Variants in SLC4A7 observed in about 807,000 individuals in gnomAD.
SLC4A7 encodes sodium bicarbonate cotransporter 3.
In SLC4A7, 51 loss-of-function variants were observed where a neutral mutation model predicts 137.6. The ratio of observed to expected loss-of-function variants is 0.37; its 90% CI spans 0.30 to 0.47. SLC4A7 has a LOEUF of 0.47. SLC4A7 is among the 20% of genes least tolerant of loss of function. SLC4A7 has a pLI of 1.00. For missense variants in SLC4A7, 1,247 were observed against 1,525.4 expected, an observed-to-expected ratio of 0.82 and a Z score of 3.04; for synonymous variants, 542 against 518.6, an observed-to-expected ratio of 1.05 and a Z score of -0.61.
chr3:27,464,279 AAGTT>A (rs909817978), intron 1 of SLC4A7, among the ~76,000 whole-genome samples: 1 of 152,236 alleles, frequency 6.6e-6, no homozygotes, highest in Non-Finnish European at 1.5e-5. Flanking sequence ...AAGGATATAT[AAGTT>A]AGTCTGTTTC....
chr3:27,411,581 A>T, intron 12 of SLC4A7, 61 bp downstream of exon 12: 1 of 868,116 alleles, frequency 1.2e-6, no homozygotes, highest in African/African-American at 1.7e-5. Context: ...AAAAAATATA[A>T]TATTTATGTT....
At chr3:27,431,154 A>G (rs1431522922) in intron 7 of SLC4A7, 144 bp downstream of exon 7, 6 of 918,834 alleles carry the variant, frequency 6.5e-6, no homozygotes, top group Admixed American at 6.7e-5. Context: ...ACAATCTATC[A>G]TAAAGAAAAA....
chr3:27,474,010 T>C lies in SLC4A7; in HGVS notation c.60+10057A>G, dbSNP rs9917725. ...CTTTATAAAGTATAATTTATTATCG[T>C]CCTGCCTCAACAGAATAACAACTAG... is the stretch of plus-strand genomic sequence containing the variant. On this transcript the variant is annotated intron_variant, in intron 1 of 25. Transcript: ENST00000454389. 3.5e-3 allele frequency among the ~76,000 whole-genome samples: 531 copies of C among 152,276 alleles called. 2 individuals carry two copies. The highest frequency in any genetic ancestry group is 0.012 in the African/African-American group (496 of 41,570).
intron 1 of SLC4A7, among the ~76,000 whole-genome samples, chr3:27,474,536 C>A (rs1576672477): frequency 6.6e-6 from 1 of 151,970 alleles, no homozygotes; most frequent in Non-Finnish European, 1.5e-5. Context: ...ATAGTGAAAC[C>A]CGGTCCCTAC....
chr3:27,427,872 G>T (rs1453898652), intron 7 of SLC4A7, among the ~76,000 whole-genome samples: 2 of 152,044 alleles, frequency 1.3e-5, no homozygotes, highest in Non-Finnish European at 2.9e-5. Flanking sequence ...AAAACTCATG[G>T]GAAAAAATGT....
At chr3:27,419,181 T>C (rs946234720) in intron 10 of SLC4A7, among the ~76,000 whole-genome samples, 1 of 151,958 alleles carries the variant, frequency 6.6e-6, no homozygotes, top group African/African-American at 2.4e-5. Context: ...AAATAAATAA[T>C]TATAGGTATT....
intron 20 of SLC4A7, 87 bp downstream of exon 20, chr3:27,394,431 T>A: frequency 8.3e-7 from 1 of 1,197,642 alleles, no homozygotes; most frequent in Non-Finnish European, 1.2e-6. Flanking sequence ...TTTAGGTATT[T>A]TAAGTATATT....
At position 27,376,749 on chromosome 3, in the gene SLC4A7, C is replaced by A. The variant is rs373766843; in HGVS notation, c.*15G>T. 3 of 1,502,142 alleles carry A rather than the reference C, an allele frequency of 2.0e-6. No homozygotes were observed. Among genetic ancestry groups the A allele is most frequent in the Non-Finnish European group, 2.8e-6 (3 of 1,083,580 alleles). The allele number at this position is 1,502,142 out of a possible 1,614,324, so 93.1% of individuals were successfully genotyped here. Reference sequence around the variant, plus strand: ...TATGTATATATCTATATGTATAATGCCTCTTGGTTCAATTCTATAATGAAG... The same window carrying A: ...TATGTATATATCTATATGTATAATGACTCTTGGTTCAATTCTATAATGAAG... On this transcript the variant is annotated 3_prime_UTR_variant, in exon 26 of 26. Transcript: ENST00000454389.
intron 15 of SLC4A7, among the ~76,000 whole-genome samples, chr3:27,401,263 C>T (rs2052716914): frequency 6.6e-6 from 1 of 152,138 alleles, no homozygotes; most frequent in African/African-American, 2.4e-5. Flanking sequence ...ATAAGTTATA[C>T]TACCATTAAT....
At chr3:27,424,313 GAAC>G (rs751099507) in intron 7 of SLC4A7, 161 bp from the exon 8 acceptor site, 31 of 453,748 alleles carry the variant, frequency 6.8e-5, no homozygotes, top group African/African-American at 4.0e-4. Context: ...AGCAAAACTA[GAAC>G]AACATTTTAA....
At chr3:27,481,448 T>C (rs934640156) in intron 1 of SLC4A7, among the ~76,000 whole-genome samples, 13 of 152,234 alleles carry the variant, frequency 8.5e-5, no homozygotes, top group Admixed American at 8.5e-4. Flanking sequence ...TTTATGAATA[T>C]TAATTTGTTC....
chr3:27,453,369 C>T (rs1291878490), intron 1 of SLC4A7, among the ~76,000 whole-genome samples: 1 of 152,216 alleles, frequency 6.6e-6, no homozygotes, highest in African/African-American at 2.4e-5. Flanking sequence ...AATTGGATCA[C>T]TTTGGGAGGC....
intron 1 of SLC4A7, among the ~76,000 whole-genome samples, chr3:27,481,768 C>T (rs1206977013): frequency 6.6e-6 from 1 of 152,160 alleles, no homozygotes; most frequent in Non-Finnish European, 1.5e-5. Flanking sequence ...AAAGTGCTCC[C>T]CTACCACGTC....
intron 3 of SLC4A7, among the ~76,000 whole-genome samples, chr3:27,444,147 T>A (rs1037992985): frequency 2.0e-5 from 3 of 152,230 alleles, no homozygotes; most frequent in Non-Finnish European, 4.4e-5. Flanking sequence ...ATTTACTCTA[T>A]CAGAGAGGAG....
intron 5 of SLC4A7, among the ~76,000 whole-genome samples, chr3:27,435,579 C>T (rs940978603): frequency 2.6e-5 from 4 of 152,234 alleles, no homozygotes; most frequent in African/African-American, 7.2e-5. Context: ...GTGGCTCACA[C>T]CTGTAAACCC....
At chr3:27,403,465 G>A in intron 14 of SLC4A7, 81 bp from the exon 15 acceptor site, 2 of 856,828 alleles carry the variant, frequency 2.3e-6, no homozygotes, top group Non-Finnish European at 3.6e-6. Context: ...GCAAGCAATG[G>A]GAACAGCAAG....
intron 3 of SLC4A7, among the ~76,000 whole-genome samples, chr3:27,441,201 C>T (rs35842794): frequency 0.035 from 5,255 of 152,252 alleles, 105 homozygotes; most frequent in East Asian, 0.066. Flanking sequence ...CCTTTTTAAA[C>T]ATTGCTGGAT....
At position 27,397,706 on chromosome 3, in the gene SLC4A7, A is replaced by G; in HGVS notation, c.2681T>C (p.Leu894Pro). 2 of 1,596,006 alleles carry G rather than the reference A, an allele frequency of 1.3e-6. No homozygotes were observed. The highest frequency in any genetic ancestry group is 8.6e-7 in the Non-Finnish European group (1 of 1,165,916). The change falls in exon 18 of 26, where the codon CTT becomes CCT. Residue 894 changes from leucine (L) to proline (P), a missense_variant. Leu to Pro is a moderately conservative substitution (Grantham distance 98, BLOSUM62 -3). Transcript: ENST00000454389. ...DYLVGVPSPK[L>P]HVPEKFEPTH... Reference sequence around the variant, plus strand: ...TACCTCAAATTTTTCAGGAACATGAAGTTTAGGAGATGGAACTCCTACAAG... The same window carrying G: ...TACCTCAAATTTTTCAGGAACATGAGGTTTAGGAGATGGAACTCCTACAAG...
chr3:27,456,791 T>C, intron 1 of SLC4A7: 2 of 1,506,924 alleles, frequency 1.3e-6, no homozygotes. Flanking sequence ...TTTGCAGAGA[T>C]GAATTCTTCT....
Sources: gnomAD v4.1 joint callset for allele counts (sites outside exome capture counted in the v4.1 genomes callset) on GRCh38, gnomAD v4.1.1 for gene constraint, MANE v1.5 for transcripts, NCBI Gene and HGNC (gene_info 2026-07-23, HGNC 2026-07-21) for gene names.